TRIM44: variants seen among roughly 807,000 people sequenced by gnomAD.
TRIM44 encodes tripartite motif containing 44.
TRIM44 carries 13 observed loss-of-function variants against 37.4 expected under a neutral mutation model. The observed-to-expected ratio is 0.35, with a 90% CI of 0.23 to 0.55. TRIM44 has a LOEUF of 0.55. Ranked by LOEUF, TRIM44 falls within the 20% of genes least tolerant of loss-of-function variation. TRIM44 has a pLI of 0.89. For missense variants in TRIM44, 426 were observed against 437.2 expected, an observed-to-expected ratio of 0.97 and a Z score of 0.23; for synonymous variants, 175 against 157.2, an observed-to-expected ratio of 1.11 and a Z score of -0.85.
intron 3 of TRIM44, among the ~76,000 whole-genome samples, chr11:35,728,636 C>G (rs1167206521): frequency 2.0e-5 from 3 of 152,146 alleles, no homozygotes; most frequent in African/African-American, 7.2e-5. Context: ...TAGTACCTGT[C>G]TTTCAGTCAT....
At position 35,816,019 on chromosome 11, in the gene TRIM44, A is replaced by C. The variant is rs1443935708; in HGVS notation, c.*9634A>C. The C allele has an allele frequency of 6.6e-6, 1 of 152,272 alleles. No individual in the cohort carries two copies. The highest frequency in any genetic ancestry group is 1.5e-5 in the Non-Finnish European group (1 of 68,062). 9.4% of individuals were successfully genotyped at this position (152,272 alleles called of 1,614,324 possible). On this transcript the variant is annotated 3_prime_UTR_variant, in exon 5 of 5. Transcript: ENST00000299413. Reference sequence around the variant, plus strand: ...GCCCATTGTCAAATGGCAGACTTGCAGAGCAAATAAGGGACCTGGCCTAGT... The same window carrying C: ...GCCCATTGTCAAATGGCAGACTTGCCGAGCAAATAAGGGACCTGGCCTAGT...
At chr11:35,690,971 C>A (rs1267732978) in intron 2 of TRIM44, among the ~76,000 whole-genome samples, 1 of 152,130 alleles carries the variant, frequency 6.6e-6, no homozygotes, top group African/African-American at 2.4e-5. Context: ...CCTGGCATCC[C>A]TAGCAATGTG....
intron 1 of TRIM44, among the ~76,000 whole-genome samples, chr11:35,676,199 A>G (rs1328924458): frequency 6.6e-6 from 1 of 152,210 alleles, no homozygotes; most frequent in Non-Finnish European, 1.5e-5. Context: ...AAACAAGATC[A>G]TAGATGTAAA....
intron 1 of TRIM44, among the ~76,000 whole-genome samples, chr11:35,667,998 T>C (rs1258304532): frequency 6.6e-6 from 1 of 152,218 alleles, no homozygotes; most frequent in Non-Finnish European, 1.5e-5. Flanking sequence ...GTGTTTCTTA[T>C]ATATTCTTTC....
intron 1 of TRIM44, among the ~76,000 whole-genome samples, chr11:35,674,099 T>G (rs1166338423): frequency 6.6e-6 from 1 of 152,086 alleles, no homozygotes; most frequent in African/African-American, 2.4e-5. Context: ...ATAGGAGACG[T>G]ATTATAGACA....
chr11:35,770,628 A>G (rs1176098487), intron 4 of TRIM44, among the ~76,000 whole-genome samples: 2 of 152,080 alleles, frequency 1.3e-5, no homozygotes, highest in Non-Finnish European at 2.9e-5. Flanking sequence ...TTTGACTTGC[A>G]TTTCTCTGAG....
chr11:35,772,399 G>A (rs1852885727), intron 4 of TRIM44, among the ~76,000 whole-genome samples: 1 of 152,168 alleles, frequency 6.6e-6, no homozygotes, highest in African/African-American at 2.4e-5. Flanking sequence ...GTAGATCACC[G>A]ACAGCTTGCA....
At chr11:35,740,915 G>A (rs1019850418) in intron 4 of TRIM44, among the ~76,000 whole-genome samples, 3 of 152,006 alleles carry the variant, frequency 2.0e-5, no homozygotes, top group Non-Finnish European at 4.4e-5. Context: ...ATTATCTTGG[G>A]TCTGTATTCT....
chr11:35,804,736 C>T (rs1294039314), intron 4 of TRIM44, among the ~76,000 whole-genome samples: 1 of 152,144 alleles, frequency 6.6e-6, no homozygotes, highest in East Asian at 1.9e-4. Flanking sequence ...TCCAGCATTT[C>T]CAGCATGCAC....
chr11:35,775,834 T>G (rs1458476585), intron 4 of TRIM44, among the ~76,000 whole-genome samples: 1 of 152,210 alleles, frequency 6.6e-6, no homozygotes, highest in African/African-American at 2.4e-5. Context: ...TTGATCATGG[T>G]GGATAAGCTT....
intron 2 of TRIM44, among the ~76,000 whole-genome samples, chr11:35,700,370 T>C (rs1225593207): frequency 6.6e-6 from 1 of 152,234 alleles, no homozygotes; most frequent in Non-Finnish European, 1.5e-5. Flanking sequence ...CTTATTCTTA[T>C]CTAATTTAAA....
chr11:35,744,690 T>C (rs1180463710), intron 4 of TRIM44, among the ~76,000 whole-genome samples: 1 of 152,156 alleles, frequency 6.6e-6, no homozygotes, highest in Non-Finnish European at 1.5e-5. Context: ...CCAGCATCCA[T>C]TAGCTATTCT....
At chr11:35,709,879 T>G (rs2135507176) in intron 2 of TRIM44, among the ~76,000 whole-genome samples, 1 of 152,312 alleles carries the variant, frequency 6.6e-6, no homozygotes, top group East Asian at 1.9e-4. Context: ...ATGAACAATT[T>G]GTGAATCGGG....
In TRIM44 at chr11:35,688,388, A is replaced by T. The variant is rs142655458; in HGVS notation, c.747+3052A>T. ...AGATGTCTAAATTAATCATTTTTTT[A>T]AAATTATAAAATAATACATACTTAT... On this transcript the variant is annotated intron_variant, in intron 2 of 4. Transcript: ENST00000299413. 2.9e-3 allele frequency among the ~76,000 whole-genome samples: 436 copies of T among 152,298 alleles called. 7 individuals are homozygous for T. The highest frequency in any genetic ancestry group is 0.021 in the Admixed American group (321 of 15,296).
intron 1 of TRIM44, among the ~76,000 whole-genome samples, chr11:35,665,969 G>C (rs1040191315): frequency 3.3e-5 from 5 of 151,942 alleles, no homozygotes; most frequent in African/African-American, 1.2e-4. Flanking sequence ...TTTTAAAGAA[G>C]TTGTGCCTTG....
chr11:35,675,259 G>A (rs1434025905), intron 1 of TRIM44, among the ~76,000 whole-genome samples: 2 of 152,168 alleles, frequency 1.3e-5, no homozygotes, highest in Non-Finnish European at 2.9e-5. Flanking sequence ...CATAGTTGTT[G>A]TAGATCAGTG....
intron 3 of TRIM44, among the ~76,000 whole-genome samples, chr11:35,731,009 T>C (rs1307104185): frequency 6.6e-6 from 1 of 152,172 alleles, no homozygotes; most frequent in Non-Finnish European, 1.5e-5. Context: ...TTTAGGATTT[T>C]CTATATCAGC....
intron 1 of TRIM44, among the ~76,000 whole-genome samples, chr11:35,678,323 A>T (rs545350260): frequency 1.2e-4 from 19 of 152,296 alleles, no homozygotes; most frequent in African/African-American, 4.3e-4. Context: ...TGAAGAATAC[A>T]TGCCAACTGG....
chr11:35,793,486 C>A (rs1267410286), intron 4 of TRIM44, among the ~76,000 whole-genome samples: 1 of 152,134 alleles, frequency 6.6e-6, no homozygotes, highest in Non-Finnish European at 1.5e-5. Flanking sequence ...GATTACGCCA[C>A]TGCACTCCAG....
Sources: allele counts gnomAD v4.1 joint callset (sites outside exome capture counted in the v4.1 genomes callset), GRCh38; gene constraint gnomAD v4.1.1; transcripts MANE v1.5; gene names NCBI Gene and HGNC (gene_info 2026-07-23, HGNC 2026-07-21).